The following COX11 variants were observed in gnomAD, a reference collection of about 807,000 sequenced individuals.
COX11 encodes cytochrome c oxidase copper chaperone COX11.
Under a neutral mutation model 29.4 loss-of-function variants are expected in COX11, and 18 were observed. That is an observed-to-expected ratio of 0.61 (90% CI 0.42 to 0.91). COX11 has a LOEUF of 0.91. Among genes scored for constraint, COX11 ranks in the 40% least tolerant of loss-of-function variants. The pLI is 0.00. For missense variants in COX11, 312 were observed against 346.0 expected, an observed-to-expected ratio of 0.90 and a Z score of 0.78; for synonymous variants, 131 against 124.0, an observed-to-expected ratio of 1.06 and a Z score of -0.38.
At chr17:54,968,110 C>G (rs1047235500) in intron 1 of COX11, among the ~76,000 whole-genome samples, 171 bp downstream of exon 1, 1 of 148,472 alleles carries the variant, frequency 6.7e-6, no homozygotes, top group Admixed American at 6.9e-5. Flanking sequence ...TCACCAATTT[C>G]TTTGGTGACT....
At chr17:54,958,187 G>A (rs939141383), downstream of COX11, 33 of 152,182 alleles carry the variant, frequency 2.2e-4, no homozygotes, top group African/African-American at 7.7e-4. Context: ...TACCAGATGA[G>A]GAAAATGTAA....
upstream of COX11, among the ~76,000 whole-genome samples, chr17:54,955,390 T>C (rs996294696): frequency 5.9e-5 from 9 of 152,168 alleles, no homozygotes; most frequent in African/African-American, 1.9e-4. Context: ...GTAACCTTTG[T>C]ATCACTGCAT....
downstream of COX11, among the ~76,000 whole-genome samples, chr17:54,956,009 T>A (rs1598079268): frequency 1.3e-5 from 2 of 152,248 alleles, no homozygotes; most frequent in South Asian, 4.1e-4. Context: ...ATCCCACTGC[T>A]TTGCCTGCCA....
chr17:54,952,728 T>A (rs907332654), exon 1 of COX11: 1 of 152,122 alleles, frequency 6.6e-6, no homozygotes, highest in Non-Finnish European at 1.5e-5. Context: ...AGTCTAATGC[T>A]ATACAATTAT....
intron 1 of COX11, among the ~76,000 whole-genome samples, chr17:54,967,873 G>A (rs2077282433): frequency 6.6e-6 from 1 of 151,998 alleles, no homozygotes; most frequent in Non-Finnish European, 1.5e-5. Flanking sequence ...AATTTCCAGA[G>A]TTACCCTTGG....
chr17:54,957,288 A>G (rs1007946147), downstream of COX11: 5 of 152,230 alleles, frequency 3.3e-5, no homozygotes, highest in African/African-American at 1.2e-4. Flanking sequence ...GGAGTCCACT[A>G]TGTATTTTTT....
chr17:54,952,284 T>C (rs2049270772), exon 1 of COX11: 1 of 152,118 alleles, frequency 6.6e-6, no homozygotes, highest in African/African-American at 2.4e-5. Context: ...CCTGATGTGG[T>C]GGCTCACCCC....
chr17:54,962,200 T>A lies in COX11; in HGVS notation c.*533A>T. On this transcript the variant is annotated 3_prime_UTR_variant, in exon 4 of 4. Coordinates refer to ENST00000299335, the MANE Select transcript of COX11 (RefSeq NM_004375.5). ...GGACAAATCAAATTTGAAATAAGAATTTAAATCTTTGGACAAGCTGTTAGG... is the reference window on the plus strand; with the variant it reads ...GGACAAATCAAATTTGAAATAAGAAATTAAATCTTTGGACAAGCTGTTAGG... The A allele has an allele frequency of 1.0e-6, 1 of 977,580 alleles. No individual in the cohort carries two copies. Among genetic ancestry groups the A allele is most frequent in the Non-Finnish European group, 1.2e-6 (1 of 822,760 alleles). 60.6% of individuals were successfully genotyped at this position (977,580 alleles called of 1,614,324 possible).
At position 54,961,991 on chromosome 17, in the gene COX11, C is replaced by T. The variant is rs1432965353; in HGVS notation, c.*742G>A. The stretch of plus-strand genomic sequence containing the variant: ...TTTTTTTTTTAACAAAGGTTTGTTT[C>T]CAGAAGAACTTTTGATGTCAGTAAA... On this transcript the variant is annotated 3_prime_UTR_variant, in exon 4 of 4. Transcript: ENST00000299335. The T allele has an allele frequency of 3.1e-6, 3 of 976,700 alleles. No homozygotes were observed. The highest frequency in any genetic ancestry group is 3.6e-6 in the Non-Finnish European group (3 of 822,404). 60.5% of individuals were successfully genotyped at this position (976,700 alleles called of 1,614,324 possible).
downstream of COX11, among the ~76,000 whole-genome samples, chr17:54,956,027 A>G (rs1004004011): frequency 6.6e-6 from 1 of 152,316 alleles, no homozygotes; most frequent in Admixed American, 6.5e-5. Context: ...CCAGGAGCCT[A>G]TAAGGGAGGT....
intron 3 of COX11, 62 bp from the exon 4 acceptor site, chr17:54,962,977 A>C: frequency 7.1e-7 from 1 of 1,408,846 alleles, no homozygotes; most frequent in Non-Finnish European, 9.9e-7. Flanking sequence ...CAGAAACTAT[A>C]CAGTTCTTTT....
chr17:54,954,520 A>T (rs1385900159), exon 1 of COX11: 1 of 149,498 alleles, frequency 6.7e-6, no homozygotes, highest in Non-Finnish European at 1.5e-5. Context: ...GGCTCTGCAG[A>T]GTTTGGAGGG....
In COX11 at chr17:54,964,828, C is replaced by T. The variant is rs778705418; in HGVS notation, c.391G>A (p.Val131Ile). The T allele has an allele frequency of 6.2e-7, 1 of 1,613,064 alleles. No homozygotes were observed. The highest frequency in any genetic ancestry group is 8.5e-7 in the Non-Finnish European group (1 of 1,179,952). ...ATCTTGTCTGAGGCATGACCTGCAA[C>T]TGCTGATCCTCCAAGTCCAGTAGTC... Reference protein sequence around the residue: ...CQTTGLGGSAVAGHASDKIEN... With the variant: ...CQTTGLGGSAIAGHASDKIEN... The change falls in exon 2 of 4, where the codon GTT (valine) becomes ATT (isoleucine). Residue 131 changes from valine (V) to isoleucine (I), a missense_variant. Transcript: ENST00000299335.
At chr17:54,955,613 G>A (rs2049460479), downstream of COX11, among the ~76,000 whole-genome samples, 1 of 151,968 alleles carries the variant, frequency 6.6e-6, no homozygotes, top group Non-Finnish European at 1.5e-5. Context: ...ACCACGTAGG[G>A]AACAAAGCCT....
At chr17:54,967,915 T>C (rs1296016996) in intron 1 of COX11, among the ~76,000 whole-genome samples, 2 of 151,740 alleles carry the variant, frequency 1.3e-5, no homozygotes, top group East Asian at 3.9e-4. Flanking sequence ...GCAGAGTGAA[T>C]GTATGAATAA....
In COX11 at chr17:54,962,760, G is replaced by T; in HGVS notation, c.804C>A (p.His268Gln). 2 of 1,612,054 alleles carry T rather than the reference G, an allele frequency of 1.2e-6. No individual in the cohort carries two copies. Among genetic ancestry groups the T allele is most frequent in the South Asian group, 1.1e-5 (1 of 90,708 alleles). The change falls in exon 4 of 4, where the codon CAC (histidine) becomes CAA (glutamine). Residue 268 changes from histidine to glutamine, a missense_variant. By Grantham distance (24) the His-to-Gln change is conservative. Transcript: ENST00000299335. The stretch of plus-strand genomic sequence containing the variant: ...AATTATATCCTGGAACTGGCAACTT[G>T]TGCCCTTCCTTTGCTTCAAAAAAAG... ...SYTFFEAKEGHKLPVPGYN is the reference protein window; with the variant it reads ...SYTFFEAKEGQKLPVPGYN
chr17:54,968,308 G>C lies in COX11; in HGVS notation c.339C>G (p.Ala113=). The C allele has an allele frequency of 1.2e-6, 2 of 1,612,692 alleles. No homozygotes were observed. The highest frequency in any genetic ancestry group is 1.1e-5 in the South Asian group (1 of 91,046). Residue 113 remains alanine, a synonymous_variant, in exon 1 of 4, where the codon GCC becomes GCG. Coordinates refer to ENST00000299335, the MANE Select transcript of COX11 (RefSeq NM_004375.5). ...GGCAATAGAGCCGATAAAGGGGTACGGCAGCGTAGGACGCCCCCAGCATGC... is the reference window on the plus strand; with the variant it reads ...GGCAATAGAGCCGATAAAGGGGTACCGCAGCGTAGGACGCCCCCAGCATGC... ...AVGMLGASYA[A]VPLYRLYCQT... is the part of the protein sequence containing the mutation.
chr17:54,960,586 A>G lies in COX11; in HGVS notation c.*2147T>C, dbSNP rs751759102. On this transcript the variant is annotated 3_prime_UTR_variant, in exon 4 of 4. Transcript: ENST00000299335. ...TTCAGAGCTATTTATGAAGAAATTG[A>G]TGCTCACCAGCACAAAGGAGCTCAA... The G allele has an allele frequency of 6.2e-7, 1 of 1,613,272 alleles. No homozygotes were observed. Among genetic ancestry groups the G allele is most frequent in the South Asian group, 1.1e-5 (1 of 91,036 alleles).
At chr17:54,953,341 C>T (rs2049330189) in exon 1 of COX11, 1 of 152,408 alleles carries the variant, frequency 6.6e-6, no homozygotes, top group Admixed American at 6.5e-5. Flanking sequence ...TGCACTCCAG[C>T]CTGGGTAACA....
Sources: allele counts gnomAD v4.1 joint callset (sites outside exome capture counted in the v4.1 genomes callset), GRCh38; gene constraint gnomAD v4.1.1; transcripts MANE v1.5; gene names NCBI Gene and HGNC (gene_info 2026-07-23, HGNC 2026-07-21).